KCNT2: variants seen among roughly 807,000 people sequenced by gnomAD.
KCNT2 encodes the protein potassium channel subfamily T member 2.
A neutral mutation model predicts 153.8 loss-of-function variants in KCNT2; 67 were observed. That is an observed-to-expected ratio of 0.44 (90% CI 0.36 to 0.53). The LOEUF (loss-of-function observed/expected upper bound fraction) is 0.53, where lower values mean the gene tolerates loss of function less well. KCNT2 is among the 20% of genes least tolerant of loss of function. The probability of loss-of-function intolerance (pLI) is 0.00; values close to 1 mark genes in which losing one functional copy is unlikely to be tolerated. For missense variants in KCNT2, 975 were observed against 1,354.8 expected (o/e 0.72, Z 4.40); for synonymous variants, 500 against 458.8 (o/e 1.09, Z -1.15).
chr1:196,370,691 C>A (rs1033471676), intron 14 of KCNT2, among the ~76,000 whole-genome samples: 2 of 152,088 alleles, frequency 1.3e-5, no homozygotes, highest in Non-Finnish European at 2.9e-5. Context: ...TACGACCCAG[C>A]AATTCTACTC....
intron 19 of KCNT2, among the ~76,000 whole-genome samples, chr1:196,320,943 A>G (rs899954726): frequency 1.3e-5 from 2 of 150,306 alleles, no homozygotes; most frequent in Admixed American, 1.3e-4. Flanking sequence ...CGTATTTAAC[A>G]CTGGTATTCA....
intron 14 of KCNT2, among the ~76,000 whole-genome samples, chr1:196,343,920 C>T (rs1665905308): frequency 6.6e-6 from 1 of 152,154 alleles, no homozygotes; most frequent in Non-Finnish European, 1.5e-5. Context: ...GCTGGGATTA[C>T]AGGCACCTGC....
At chr1:196,428,413 A>G in intron 9 of KCNT2, 144 bp from the exon 10 acceptor site, 1 of 625,260 alleles carries the variant, frequency 1.6e-6, no homozygotes. Context: ...CCCTTCAACG[A>G]CAGACTTTTC....
chr1:196,243,170 G>T (rs1006255113), intron 26 of KCNT2, among the ~76,000 whole-genome samples: 1 of 152,068 alleles, frequency 6.6e-6, no homozygotes, highest in Non-Finnish European at 1.5e-5. Context: ...CTATGCTTTT[G>T]TGCTGAATCC....
chr1:196,544,303 T>C (rs931287996), intron 1 of KCNT2, among the ~76,000 whole-genome samples: 1 of 151,836 alleles, frequency 6.6e-6, no homozygotes, highest in Non-Finnish European at 1.5e-5. Context: ...AAGAAATATA[T>C]ATATTTAATT....
At position 196,241,644 on chromosome 1, in the gene KCNT2, A is replaced by T. The variant is rs1043541715; in HGVS notation, c.3212-5574T>A. ...TTGAACTCTCTTAATTTATCTCCAT[A>T]TGAATATTCAGTGTATTCAACATCA... is the stretch of plus-strand genomic sequence containing the variant. On this transcript the variant is annotated intron_variant, in intron 26 of 27. Transcript: ENST00000294725. 5.3e-5 allele frequency among the ~76,000 whole-genome samples: 8 copies of T among 152,226 alleles called. No individual in the cohort carries two copies. In the East Asian group the frequency reaches 5.8e-4, roughly 11 times the overall value.
chr1:196,542,733 G>T (rs1206096938), intron 1 of KCNT2, among the ~76,000 whole-genome samples: 1 of 152,072 alleles, frequency 6.6e-6, no homozygotes, highest in Non-Finnish European at 1.5e-5. Context: ...CCTATTAGGG[G>T]TAAGGTGCCA....
chr1:196,607,390 C>T (rs1480531616), intron 1 of KCNT2, among the ~76,000 whole-genome samples: 1 of 152,014 alleles, frequency 6.6e-6, no homozygotes, highest in Non-Finnish European at 1.5e-5. Flanking sequence ...GTGCTTGAGA[C>T]AGAAATAGAC....
intron 12 of KCNT2, among the ~76,000 whole-genome samples, chr1:196,417,461 C>T (rs1405565521): frequency 1.3e-5 from 2 of 152,234 alleles, no homozygotes; most frequent in South Asian, 2.1e-4. Context: ...CCTTCCTACT[C>T]TCACACATAT....
chr1:196,470,522 A>T (rs1677999570), intron 5 of KCNT2, among the ~76,000 whole-genome samples: 1 of 152,162 alleles, frequency 6.6e-6, no homozygotes, highest in Non-Finnish European at 1.5e-5. Context: ...TCTGTGTCAG[A>T]GCCCTAGTCT....
At chr1:196,306,401 G>A (rs1400247441) in intron 21 of KCNT2, among the ~76,000 whole-genome samples, 6 of 152,124 alleles carry the variant, frequency 3.9e-5, no homozygotes, top group Non-Finnish European at 8.8e-5. Context: ...TCATGAGGGT[G>A]CTGTTACTTC....
intron 26 of KCNT2, among the ~76,000 whole-genome samples, chr1:196,244,201 G>A (rs1426736119): frequency 6.6e-6 from 1 of 152,150 alleles, no homozygotes; most frequent in Non-Finnish European, 1.5e-5. Flanking sequence ...TACCCAGGCA[G>A]TACTTGCTGT....
chr1:196,457,853 G>T (rs796575418), intron 8 of KCNT2, among the ~76,000 whole-genome samples: 88 of 151,906 alleles, frequency 5.8e-4, no homozygotes, highest in African/African-American at 2.1e-3. Flanking sequence ...AGGTGAGAGA[G>T]CCCCCACCAG....
chr1:196,556,751 G>A (rs145787731), intron 1 of KCNT2, among the ~76,000 whole-genome samples: 5 of 151,490 alleles, frequency 3.3e-5, no homozygotes, highest in Admixed American at 2.0e-4. Flanking sequence ...ACAGGTGAAT[G>A]GGTAAAGAAA....
At chr1:196,502,001 C>T (rs1680741543) in intron 1 of KCNT2, among the ~76,000 whole-genome samples, 1 of 152,036 alleles carries the variant, frequency 6.6e-6, no homozygotes, top group African/African-American at 2.4e-5. Flanking sequence ...TGCCTGTAGT[C>T]CCAGACTCAG....
chr1:196,378,810 T>C (rs112455099), intron 13 of KCNT2, among the ~76,000 whole-genome samples: 2,804 of 147,508 alleles, frequency 0.019, 87 homozygotes, highest in African/African-American at 0.066. Context: ...ATTGTATATA[T>C]AATTATATAT....
At position 196,585,070 on chromosome 1, in the gene KCNT2, A is replaced by G. The variant is rs143698094; in HGVS notation, c.95+23145T>C. Among the ~76,000 whole-genome samples, 22 of 152,186 alleles carry G rather than the reference A, an allele frequency of 1.4e-4. No individual in the cohort carries two copies. The East Asian group carries it at 2.7e-3, about 19-fold the overall frequency. On this transcript the variant is annotated intron_variant, in intron 1 of 27. Transcript: ENST00000294725. ...ATTTGCCAAGCATTTATTATTTTCA[A>G]GTATGAGTACAATACGATGTAGAAG...
chr1:196,524,819 G>A (rs1372470811), intron 1 of KCNT2, among the ~76,000 whole-genome samples: 1 of 152,084 alleles, frequency 6.6e-6, no homozygotes, highest in Non-Finnish European at 1.5e-5. Flanking sequence ...GCAACAAATA[G>A]GAAAGTCAAT....
intron 12 of KCNT2, among the ~76,000 whole-genome samples, chr1:196,415,906 A>G (rs1343714496): frequency 6.6e-6 from 1 of 151,982 alleles, no homozygotes. Context: ...TGCTTTCCTT[A>G]TATAATAGTG....
Sources: allele counts gnomAD v4.1 joint callset (sites outside exome capture counted in the v4.1 genomes callset), GRCh38; gene constraint gnomAD v4.1.1; transcripts MANE v1.5; gene names NCBI Gene and HGNC (gene_info 2026-07-23, HGNC 2026-07-21).